The following PARP16 variants were observed in gnomAD, a reference collection of about 807,000 sequenced individuals.
PARP16 encodes poly(ADP-ribose) polymerase family member 16.
PARP16 carries 31 observed loss-of-function variants against 35.0 expected under a neutral mutation model. The observed-to-expected ratio is 0.88, with a 90% confidence interval of 0.66 to 1.19. PARP16 has a LOEUF of 1.19. Ranked by LOEUF, PARP16 falls within the 50% of genes most tolerant of loss-of-function variation. PARP16 has a pLI of 0.00. For missense variants in PARP16, 424 were observed against 411.2 expected (o/e 1.03, Z -0.27); for synonymous variants, 162 against 169.5 (o/e 0.96, Z 0.34).
In PARP16 at chr15:65,275,337, G is replaced by C. The variant is rs143328566; in HGVS notation, c.175-4265C>G. ...AGTGGGTGGTGGCATGGTTAATTGT[G>C]CAGTTCTCCCAGGCATCTGGGGCTC... On this transcript the variant is annotated intron_variant, in intron 1 of 5. Coordinates refer to ENST00000649807, the MANE Select transcript of PARP16 (RefSeq NM_001316943.2). Among the ~76,000 whole-genome samples the C allele has an allele frequency of 1.5e-3, 234 of 152,228 alleles. 1 individual carries two copies. In the Middle Eastern group the frequency reaches 0.037, roughly 24 times the overall value.
chr15:65,272,828 T>C (rs2090132600), intron 1 of PARP16, among the ~76,000 whole-genome samples: 1 of 152,220 alleles, frequency 6.6e-6, no homozygotes, highest in African/African-American at 2.4e-5. Flanking sequence ...CAAGGGGTTG[T>C]CAGGAAGTTT....
Position 65,259,339 on chromosome 15 carries a change from T to G in PARP16, c.*68A>C. On this transcript the variant is annotated 3_prime_UTR_variant, in exon 6 of 6. Coordinates refer to ENST00000649807, the MANE Select transcript of PARP16 (RefSeq NM_001316943.2). ...GCTCAACCTGGCTGGACATGAGGCATAGGAGGTACAGAACAAGTTACCATA... is the reference window on the plus strand; with the variant it reads ...GCTCAACCTGGCTGGACATGAGGCAGAGGAGGTACAGAACAAGTTACCATA... The G allele has an allele frequency of 6.5e-7, 1 of 1,538,070 alleles. No individual in the cohort carries two copies. Among genetic ancestry groups the G allele is most frequent in the Non-Finnish European group, 9.0e-7 (1 of 1,114,780 alleles).
At chr15:65,279,401 G>A (rs560021791) in intron 1 of PARP16, among the ~76,000 whole-genome samples, 1 of 152,234 alleles carries the variant, frequency 6.6e-6, no homozygotes, top group African/African-American at 2.4e-5. Flanking sequence ...TTCTGGGATC[G>A]TTGGAAGGAA....
At chr15:65,284,811 C>CT (rs35683940) in intron 1 of PARP16, among the ~76,000 whole-genome samples, 19,291 of 72,168 alleles carry the variant, frequency 0.27, 3,263 homozygotes, top group Non-Finnish European at 0.31. Flanking sequence ...AATCCAACGT[C>CT]TTTTTTTTTT....
intron 2 of PARP16, 23 bp from the exon 3 acceptor site, chr15:65,266,791 A>G (rs962745995): frequency 1.3e-6 from 2 of 1,578,012 alleles, no homozygotes; most frequent in Non-Finnish European, 1.7e-6. Context: ...AAGAGCATCA[A>G]AATTTTATTT....
rs146581565 is a variant in PARP16 at position 65,271,006 on chromosome 15, G to A, written c.241C>T (p.Arg81Trp). 4.6e-4 allele frequency: 735 copies of A among 1,613,980 alleles called. 3 individuals carry two copies. In the African/African-American group the frequency reaches 5.4e-3, roughly 12 times the overall value. The change falls in exon 2 of 6, where the codon CGG (arginine) becomes TGG (tryptophan). Residue 81 changes from arginine to tryptophan, a missense_variant. Physicochemically the swap from Arg to Trp is moderately radical, Grantham distance 101. Coordinates refer to ENST00000649807, the MANE Select transcript of PARP16 (RefSeq NM_001316943.2). ...LLQSSGDNHK[R>W]AWDLVSWILS... ...ATCCAGCTCACCAGGTCCCAGGCCCGTTTGTGGTTGTCTCCGGAGGACTGG... is the reference window on the plus strand; with the variant it reads ...ATCCAGCTCACCAGGTCCCAGGCCCATTTGTGGTTGTCTCCGGAGGACTGG...
intron 3 of PARP16, among the ~76,000 whole-genome samples, chr15:65,239,659 CTTTTTTTTTT>C (rs71136328): frequency 2.3e-5 from 3 of 129,362 alleles, no homozygotes; most frequent in African/African-American, 8.3e-5. Context: ...GTAATTTTTT[CTTTTTTTTTT>C]TTTTTGAGGC....
intron 1 of PARP16, among the ~76,000 whole-genome samples, chr15:65,281,525 T>C (rs1048480629): frequency 4.6e-5 from 7 of 152,010 alleles, no homozygotes; most frequent in Non-Finnish European, 1.0e-4. Context: ...ACCCTATCTC[T>C]ACTAAAAATA....
chr15:65,252,697 TTC>T (rs1288560796), intron 2 of PARP16, among the ~76,000 whole-genome samples: 6 of 152,234 alleles, frequency 3.9e-5, no homozygotes, highest in Non-Finnish European at 7.3e-5. Flanking sequence ...CCCTAGTGAT[TTC>T]TCTTTCGCCA....
downstream of PARP16, among the ~76,000 whole-genome samples, chr15:65,253,599 G>C: frequency 6.6e-6 from 1 of 151,992 alleles, no homozygotes; most frequent in African/African-American, 2.4e-5. Context: ...CAAAGTGCTG[G>C]GATTACAGGC....
At chr15:65,233,017 T>G (rs1337139154), downstream of PARP16, among the ~76,000 whole-genome samples, 3 of 151,760 alleles carry the variant, frequency 2.0e-5, no homozygotes, top group Non-Finnish European at 4.4e-5. Flanking sequence ...AAGTTTAAAA[T>G]TTTAAAAAAT....
At chr15:65,281,752 T>C (rs1253967462) in intron 1 of PARP16, among the ~76,000 whole-genome samples, 1 of 151,016 alleles carries the variant, frequency 6.6e-6, no homozygotes, top group East Asian at 1.9e-4. Context: ...ACAAGACACC[T>C]CAGGGATAAT....
intron 2 of PARP16, among the ~76,000 whole-genome samples, chr15:65,266,991 C>G (rs866743205): frequency 6.6e-6 from 1 of 152,074 alleles, no homozygotes; most frequent in African/African-American, 2.4e-5. Context: ...CCTGTAATCC[C>G]AAAACTTTGG....
intron 1 of PARP16, among the ~76,000 whole-genome samples, chr15:65,280,978 C>A (rs1184476954): frequency 1.3e-5 from 2 of 152,154 alleles, no homozygotes; most frequent in Non-Finnish European, 2.9e-5. Context: ...AGGTCTGAGG[C>A]AGGACCTGCT....
Position 65,277,716 on chromosome 15 carries a change from T to C in PARP16, c.175-6644A>G, listed in dbSNP as rs62014961. Among the ~76,000 whole-genome samples, 611 of 152,252 alleles carry C rather than the reference T, an allele frequency of 4.0e-3. 2 individuals carry two copies. Among genetic ancestry groups the C allele is most frequent in the African/African-American group, 0.013 (540 of 41,536 alleles). ...CTCCTACCAAATGAATGGAGAAATT[T>C]AGTGGTGGACTGAATATTTTAGCCC... On this transcript the variant is annotated intron_variant, in intron 1 of 5. Transcript: ENST00000649807.
intron 1 of PARP16, among the ~76,000 whole-genome samples, chr15:65,271,857 A>G (rs1408319738): frequency 6.6e-6 from 1 of 152,240 alleles, no homozygotes; most frequent in African/African-American, 2.4e-5. Context: ...AGGTAGTATG[A>G]CAACTACATA....
Position 65,286,216 on chromosome 15 carries a change from G to A in PARP16, c.174+37C>T, listed in dbSNP as rs1295260891. On this transcript the variant is annotated intron_variant, in intron 1 of 5. Transcript: ENST00000649807. ...GTGGTTCCACAGGGCACTTGGTCCAGGACGCAGTGGGCAGCGCCAGGACAA... is the reference window on the plus strand; with the variant it reads ...GTGGTTCCACAGGGCACTTGGTCCAAGACGCAGTGGGCAGCGCCAGGACAA... The A allele has an allele frequency of 2.0e-6, 3 of 1,502,554 alleles. No homozygotes were observed. In the South Asian group the frequency reaches 3.9e-5, roughly 20 times the overall value. 93.1% of individuals were successfully genotyped at this position (1,502,554 alleles called of 1,614,324 possible).
intron 1 of PARP16, among the ~76,000 whole-genome samples, chr15:65,283,901 G>A (rs2090496929): frequency 6.6e-6 from 1 of 152,156 alleles, no homozygotes; most frequent in Non-Finnish European, 1.5e-5. Flanking sequence ...AACAAATCTC[G>A]AGGGAAGTCA....
chr15:65,255,762 G>GA (rs1354074353), downstream of PARP16, among the ~76,000 whole-genome samples: 58 of 121,686 alleles, frequency 4.8e-4, no homozygotes, highest in Middle Eastern at 7.7e-3. Flanking sequence ...AAAAAAAAAA[G>GA]AAAAAAAAAA....
Sources: gnomAD v4.1 joint callset for allele counts (sites outside exome capture counted in the v4.1 genomes callset) on GRCh38, gnomAD v4.1.1 for gene constraint, MANE v1.5 for transcripts, NCBI Gene and HGNC (gene_info 2026-07-23, HGNC 2026-07-21) for gene names.